SPATA13: variants seen among roughly 807,000 people sequenced by gnomAD.
SPATA13 encodes spermatogenesis-associated protein 13.
SPATA13 carries 50 observed loss-of-function variants against 104.0 expected under a neutral mutation model. The ratio of observed to expected loss-of-function variants is 0.48; its 90% CI spans 0.38 to 0.61. SPATA13 has a LOEUF of 0.61. Among genes scored for constraint, SPATA13 ranks in the 20% least tolerant of loss-of-function variants. SPATA13 has a pLI of 0.00. For synonymous variants in SPATA13, 606 were observed against 667.5 expected (o/e 0.91, Z 1.42); for missense variants, 1,524 against 1,690.6 (o/e 0.90, Z 1.73).
In SPATA13 at chr13:24,286,736, G is replaced by C. The variant is rs1473361858; in HGVS notation, c.2482-29G>C. The stretch of plus-strand genomic sequence containing the variant: ...TCCATGCTGCCCTCCCCTGCCCCAA[G>C]TCACCTGTCCCCTGTATGTGGGTTG... On this transcript the variant is annotated intron_variant, in intron 6 of 12. Coordinates refer to ENST00000382108, the MANE Select transcript of SPATA13 (RefSeq NM_001166271.3). This position sits in a 1 kb window ranked among gnomAD's most constrained non-coding sequence, Gnocchi z 4.9. 3.1e-6 allele frequency: 5 copies of C among 1,606,298 alleles called. No individual in the cohort carries two copies. The highest frequency in any genetic ancestry group is 2.2e-5 in the East Asian group (1 of 44,746).
chr13:24,287,286 C>T (rs150574659), intron 7 of SPATA13, among the ~76,000 whole-genome samples: 10 of 152,248 alleles, frequency 6.6e-5, no homozygotes, highest in African/African-American at 1.4e-4. Context: ...CTCAGCCCCC[C>T]GAGTAGCTAG....
chr13:24,202,686 A>G (rs1870488522), intron 1 of SPATA13, among the ~76,000 whole-genome samples: 1 of 151,512 alleles, frequency 6.6e-6, no homozygotes, highest in East Asian at 1.9e-4. Context: ...CAGACGGAAG[A>G]GAGTGAGAAC....
Position 24,304,862 on chromosome 13 carries a change from T to C in SPATA13, c.*2089T>C, listed in dbSNP as rs914052114. On this transcript the variant is annotated 3_prime_UTR_variant, in exon 13 of 13. Transcript: ENST00000382108. ...ATGTGTGGGGGTGTGTGTGTGTATG[T>C]TTCCTTCTTGAACAGACATTCCAAC... 4 of 152,184 alleles carry C rather than the reference T, an allele frequency of 2.6e-5. No homozygotes were observed. The highest frequency in any genetic ancestry group is 9.7e-5 in the African/African-American group (4 of 41,444). 9.4% of individuals were successfully genotyped at this position (152,184 alleles called of 1,614,324 possible).
chr13:24,176,691 C>G (rs1024316981), intron 1 of SPATA13, among the ~76,000 whole-genome samples: 2 of 152,110 alleles, frequency 1.3e-5, no homozygotes, highest in South Asian at 2.1e-4. Context: ...GAAAATGGAG[C>G]TTGGTAATTT....
intron 3 of SPATA13, among the ~76,000 whole-genome samples, chr13:24,121,414 T>C (rs1881027107): frequency 6.6e-6 from 1 of 152,196 alleles, no homozygotes; most frequent in African/African-American, 2.4e-5. Context: ...CATTTTGCTA[T>C]TTTATACATA....
intron 3 of SPATA13, among the ~76,000 whole-genome samples, chr13:24,105,445 T>A (rs971772836): frequency 9.1e-6 from 1 of 110,126 alleles, no homozygotes; most frequent in African/African-American, 4.5e-5. Context: ...GACTTCTTAC[T>A]TTTTTTTTTT....
intron 3 of SPATA13, among the ~76,000 whole-genome samples, chr13:24,026,155 A>G (rs1237708591): frequency 6.6e-6 from 1 of 152,202 alleles, no homozygotes; most frequent in Non-Finnish European, 1.5e-5. Context: ...CCCTCAAAGT[A>G]TGATTTTTCA....
chr13:24,005,695 G>A (rs1383051307), intron 2 of SPATA13, among the ~76,000 whole-genome samples: 1 of 152,172 alleles, frequency 6.6e-6, no homozygotes. Context: ...GTCATGTAAA[G>A]GGTCAGAGAA....
intron 1 of SPATA13, among the ~76,000 whole-genome samples, chr13:23,980,992 C>G (rs939099456): frequency 6.6e-6 from 1 of 152,078 alleles, no homozygotes; most frequent in African/African-American, 2.4e-5. Context: ...AGTACAGAAC[C>G]AGATTTGGAT....
At chr13:24,065,115 G>A (rs1325903610) in intron 3 of SPATA13, among the ~76,000 whole-genome samples, 1 of 152,036 alleles carries the variant, frequency 6.6e-6, no homozygotes, top group African/African-American at 2.4e-5. Flanking sequence ...TATAACTTAC[G>A]GTAGCAAAAC....
chr13:24,109,466 T>C (rs966388079), intron 3 of SPATA13, among the ~76,000 whole-genome samples: 2 of 152,070 alleles, frequency 1.3e-5, no homozygotes, highest in Non-Finnish European at 2.9e-5. Context: ...TCTTTGGGTA[T>C]ATACCCAGTA....
chr13:24,128,110 A>C (rs9511069), intron 3 of SPATA13, among the ~76,000 whole-genome samples: 102,836 of 152,036 alleles, frequency 0.68, 35,456 homozygotes, highest in East Asian at 0.93. Context: ...CTGACATATC[A>C]ACTGTAAATC....
rs1869620094 is a variant in SPATA13 at position 24,190,303 on chromosome 13, TTA to T, written c.-112+29378_-112+29379del. Among the ~76,000 whole-genome samples, 2 of 6,866 alleles carry T rather than the reference TTA, an allele frequency of 2.9e-4. 1 individual carries two copies. The highest frequency in any genetic ancestry group is 3.3e-4 in the African/African-American group (2 of 6,144). 4.5% of individuals were successfully genotyped at this position (6,866 alleles called of 152,430 possible). On this transcript the variant is annotated intron_variant, in intron 1 of 12. Coordinates refer to ENST00000382108, the MANE Select transcript of SPATA13 (RefSeq NM_001166271.3). ...ATATAATATATAATATTATATATTA[TTA>T]TATATAATATATAATATTATATATT...
intron 3 of SPATA13, among the ~76,000 whole-genome samples, chr13:24,089,023 A>G (rs138501519): frequency 1.3e-5 from 2 of 152,356 alleles, no homozygotes; most frequent in East Asian, 1.9e-4. Context: ...AGGATGGGAC[A>G]CGTTCACAGG....
At chr13:24,185,095 C>A (rs905305640) in intron 1 of SPATA13, among the ~76,000 whole-genome samples, 1 of 152,162 alleles carries the variant, frequency 6.6e-6, no homozygotes, top group Non-Finnish European at 1.5e-5. Flanking sequence ...GTTGCCAGTT[C>A]GGGCATTTCC....
At chr13:24,126,922 A>G (rs1318083728) in intron 3 of SPATA13, among the ~76,000 whole-genome samples, 1 of 152,158 alleles carries the variant, frequency 6.6e-6, no homozygotes. Flanking sequence ...TTCTCTCTCT[A>G]GAGATCATAA....
chr13:23,992,764 A>G (rs1478179346), intron 2 of SPATA13, among the ~76,000 whole-genome samples: 1 of 152,198 alleles, frequency 6.6e-6, no homozygotes, highest in African/African-American at 2.4e-5. Context: ...ACTCACATCC[A>G]TAGTTGGATG....
chr13:24,100,897 T>C (rs1200613950), intron 3 of SPATA13, among the ~76,000 whole-genome samples: 4 of 152,354 alleles, frequency 2.6e-5, no homozygotes, highest in East Asian at 1.9e-4. Flanking sequence ...ATTGCAATAA[T>C]GCATTCATGC....
chr13:24,182,642 C>T (rs969189416), intron 1 of SPATA13, among the ~76,000 whole-genome samples: 1 of 152,164 alleles, frequency 6.6e-6, no homozygotes, highest in Non-Finnish European at 1.5e-5. Flanking sequence ...AACACCTCCC[C>T]CAGGCCCCGC....
Sources: gnomAD v4.1 joint callset for allele counts (sites outside exome capture counted in the v4.1 genomes callset) on GRCh38, gnomAD v4.1.1 for gene constraint, Gnocchi (gnomAD v3.1) non-coding constraint, MANE v1.5 for transcripts, NCBI Gene and HGNC (gene_info 2026-07-23, HGNC 2026-07-21) for gene names.